PHLPP1: variants seen among roughly 807,000 people sequenced by gnomAD.
PHLPP1 encodes PH domain and leucine rich repeat protein phosphatase 1.
In PHLPP1, 42 loss-of-function variants were observed where a neutral mutation model predicts 117.2. The observed-to-expected ratio is 0.36, with a 90% CI of 0.28 to 0.46. The LOEUF is 0.46. PHLPP1 is among the 20% of genes least tolerant of loss of function. The probability of loss-of-function intolerance (pLI) is 1.00; values close to 1 mark genes in which losing one functional copy is unlikely to be tolerated. For synonymous variants in PHLPP1, 1,042 were observed against 970.7 expected, an observed-to-expected ratio of 1.07 and a Z score of -1.37; for missense variants, 2,084 against 2,241.9, an observed-to-expected ratio of 0.93 and a Z score of 1.42.
chr18:62,737,061 A>G (rs981508210), intron 1 of PHLPP1, among the ~76,000 whole-genome samples: 3 of 152,116 alleles, frequency 2.0e-5, no homozygotes, highest in African/African-American at 4.8e-5. Flanking sequence ...ATAATAATAA[A>G]ACTTGAAATG....
intron 6 of PHLPP1, among the ~76,000 whole-genome samples, chr18:62,901,915 A>T (rs1916734891): frequency 6.6e-6 from 1 of 152,166 alleles, no homozygotes; most frequent in African/African-American, 2.4e-5. Flanking sequence ...GGTGTGAGCC[A>T]TCGCACCCAT....
At chr18:62,954,110 A>G (rs1399797520) in intron 12 of PHLPP1, among the ~76,000 whole-genome samples, 1 of 152,122 alleles carries the variant, frequency 6.6e-6, no homozygotes, top group African/African-American at 2.4e-5. Context: ...TGACTTTTTT[A>G]TGCTCTTATC....
At chr18:62,733,341 AG>A (rs1470987417) in intron 1 of PHLPP1, among the ~76,000 whole-genome samples, 1 of 152,228 alleles carries the variant, frequency 6.6e-6, no homozygotes, top group Non-Finnish European at 1.5e-5. Flanking sequence ...ACCTTTTAGT[AG>A]TATTTTTAAA....
intron 1 of PHLPP1, among the ~76,000 whole-genome samples, chr18:62,783,563 T>C (rs986222869): frequency 2.0e-5 from 3 of 152,206 alleles, no homozygotes; most frequent in Non-Finnish European, 4.4e-5. Context: ...TTGTAATGGT[T>C]ATTGTAACAA....
chr18:62,866,856 C>T (rs1396528873), intron 4 of PHLPP1, among the ~76,000 whole-genome samples: 1 of 152,094 alleles, frequency 6.6e-6, no homozygotes, highest in Non-Finnish European at 1.5e-5. Flanking sequence ...TTCTCCTCTG[C>T]TCCCATCCCT....
intron 1 of PHLPP1, among the ~76,000 whole-genome samples, chr18:62,784,860 G>T (rs1338228627): frequency 2.0e-5 from 3 of 152,136 alleles, no homozygotes; most frequent in African/African-American, 7.2e-5. Flanking sequence ...AGCATGGTCT[G>T]TTCAGGGCAA....
In PHLPP1 at chr18:62,747,576, G is replaced by A. The variant is rs1206972098; in HGVS notation, c.1576+30317G>A. On this transcript the variant is annotated intron_variant, in intron 1 of 16. Coordinates refer to ENST00000262719, the MANE Select transcript of PHLPP1 (RefSeq NM_194449.4). ...CTCCATGTGTCATTCAGGCTGGTGT[G>A]CACAGTCATGGGTCACTGCAGCCTT... is the stretch of plus-strand genomic sequence containing the variant. Among the ~76,000 whole-genome samples, 4 of 151,970 alleles carry A rather than the reference G, an allele frequency of 2.6e-5. No individual in the cohort carries two copies. In the East Asian group the frequency reaches 7.7e-4, roughly 29 times the overall value.
At chr18:62,800,518 A>G (rs1338474154) in intron 1 of PHLPP1, among the ~76,000 whole-genome samples, 1 of 152,006 alleles carries the variant, frequency 6.6e-6, no homozygotes, top group East Asian at 1.9e-4. Context: ...TAATGCATAC[A>G]AACTCACCTA....
At chr18:62,723,301 C>T (rs552360649) in intron 1 of PHLPP1, among the ~76,000 whole-genome samples, 1 of 152,148 alleles carries the variant, frequency 6.6e-6, no homozygotes, top group Non-Finnish European at 1.5e-5. Context: ...TTTTTTCTAA[C>T]TGGAGCTTGG....
intron 1 of PHLPP1, among the ~76,000 whole-genome samples, chr18:62,732,671 C>T (rs1911260052): frequency 6.6e-6 from 1 of 152,174 alleles, no homozygotes; most frequent in Non-Finnish European, 1.5e-5. Context: ...GATAGTAATT[C>T]CCTTGATACA....
Position 62,774,347 on chromosome 18 carries a change from A to T in PHLPP1, c.1577-55688A>T, listed in dbSNP as rs117814760. Among the ~76,000 whole-genome samples, 38 of 152,274 alleles carry T rather than the reference A, an allele frequency of 2.5e-4. No individual in the cohort carries two copies. In the East Asian group the frequency reaches 7.1e-3, roughly 29 times the overall value. ...GGAAGTGCAAGGAGACTGAAGTCAG[A>T]TCAGCTTCATTTTGAGCCTTTGTCA... On this transcript the variant is annotated intron_variant, in intron 1 of 16. Coordinates refer to ENST00000262719, the MANE Select transcript of PHLPP1 (RefSeq NM_194449.4).
chr18:62,945,844 G>A (rs1006702403), intron 12 of PHLPP1, among the ~76,000 whole-genome samples: 21 of 152,212 alleles, frequency 1.4e-4, no homozygotes, highest in Non-Finnish European at 2.6e-4. Flanking sequence ...GAAAAGTGAA[G>A]CAATCTGTGT....
intron 10 of PHLPP1, among the ~76,000 whole-genome samples, chr18:62,922,781 G>A (rs1158387421): frequency 1.3e-5 from 2 of 152,098 alleles, no homozygotes; most frequent in South Asian, 2.1e-4. Flanking sequence ...ATTTTACAAG[G>A]ACGTTTCTGT....
At chr18:62,896,322 C>T (rs1412942121) in intron 6 of PHLPP1, among the ~76,000 whole-genome samples, 1 of 143,046 alleles carries the variant, frequency 7.0e-6, no homozygotes, top group African/African-American at 2.6e-5. Flanking sequence ...GTCAAAGTCT[C>T]GCTCTGTCGC....
chr18:62,948,604 T>C (rs537738599), intron 12 of PHLPP1, among the ~76,000 whole-genome samples: 3 of 152,144 alleles, frequency 2.0e-5, no homozygotes, highest in African/African-American at 7.2e-5. Flanking sequence ...ATTTTTCTTA[T>C]GTTAACAATA....
At chr18:62,872,578 G>C (rs569464646) in intron 4 of PHLPP1, among the ~76,000 whole-genome samples, 2 of 152,004 alleles carry the variant, frequency 1.3e-5, no homozygotes, top group African/African-American at 4.8e-5. Flanking sequence ...TGTAATCCGA[G>C]CTACTCCAGA....
intron 1 of PHLPP1, among the ~76,000 whole-genome samples, chr18:62,823,389 C>T (rs1460669105): frequency 1.3e-5 from 2 of 151,842 alleles, no homozygotes; most frequent in African/African-American, 4.8e-5. Context: ...CATAGCGACC[C>T]TGTCTCTACA....
chr18:62,920,107 G>C lies in PHLPP1; in HGVS notation c.2953G>C (p.Ala985Pro), dbSNP rs746667429. 6.2e-7 allele frequency: 1 copy of C among 1,613,424 alleles called. No individual in the cohort carries two copies. The highest frequency in any genetic ancestry group is 1.1e-5 in the South Asian group (1 of 90,962). Residue 985 changes from alanine to proline, a missense_variant, in exon 10 of 17, where the codon GCT becomes CCT. Ala to Pro is a conservative substitution (Grantham distance 27). Transcript: ENST00000262719. ...GCTCCCACCTAACCTTCTGATGAAGGCTGACAGGTAAAGCCATTTGTCTTG... is the reference window on the plus strand; with the variant it reads ...GCTCCCACCTAACCTTCTGATGAAGCCTGACAGGTAAAGCCATTTGTCTTG... ...LELPPNLLMK[A>P]DSLRFLNASA...
chr18:62,793,528 G>A lies in PHLPP1; in HGVS notation c.1577-36507G>A, dbSNP rs1913526418. On this transcript the variant is annotated intron_variant, in intron 1 of 16. Transcript: ENST00000262719. ...CAGCCTGCTCCTTAGCTCTTCCATAGTAACAACCATAACCTGGATTTATTG... is the reference window on the plus strand; with the variant it reads ...CAGCCTGCTCCTTAGCTCTTCCATAATAACAACCATAACCTGGATTTATTG... 2.0e-5 allele frequency among the ~76,000 whole-genome samples: 3 copies of A among 152,176 alleles called. No individual in the cohort carries two copies. In the South Asian group the frequency reaches 6.2e-4, roughly 31 times the overall value.
Sources: gnomAD v4.1 joint callset for allele counts (sites outside exome capture counted in the v4.1 genomes callset) on GRCh38, gnomAD v4.1.1 for gene constraint, MANE v1.5 for transcripts, NCBI Gene and HGNC (gene_info 2026-07-23, HGNC 2026-07-21) for gene names.